SLX4IP: variants seen among roughly 807,000 people sequenced by gnomAD.
The protein encoded by SLX4IP is protein SLX4IP.
SLX4IP carries 34 observed loss-of-function variants against 32.9 expected under a neutral mutation model. The observed-to-expected ratio is 1.03, with a 90% CI of 0.79 to 1.38. The LOEUF (loss-of-function observed/expected upper bound fraction) is 1.38, where lower values mean the gene tolerates loss of function less well. Ranked by LOEUF, SLX4IP falls within the 40% of genes most tolerant of loss-of-function variation. SLX4IP has a pLI of 0.00. For synonymous variants in SLX4IP, 172 were observed against 171.7 expected (o/e 1.00, Z -0.01); for missense variants, 444 against 479.0 (o/e 0.93, Z 0.68).
At chr20:10,593,395 A>G (rs16991827) in intron 4 of SLX4IP, among the ~76,000 whole-genome samples, 10,839 of 152,144 alleles carry the variant, frequency 0.071, 615 homozygotes, top group South Asian at 0.23. Flanking sequence ...TGGCATTTTA[A>G]AAGAGCATAC....
intron 2 of SLX4IP, among the ~76,000 whole-genome samples, chr20:10,549,966 TA>T (rs1216813059): frequency 6.6e-6 from 1 of 152,230 alleles, no homozygotes; most frequent in Non-Finnish European, 1.5e-5. Flanking sequence ...AACTTTTTTG[TA>T]AAATTCACAC....
At chr20:10,501,654 G>A (rs527325986) in intron 2 of SLX4IP, among the ~76,000 whole-genome samples, 7 of 152,348 alleles carry the variant, frequency 4.6e-5, no homozygotes, top group African/African-American at 1.7e-4. Context: ...AAGACTTATT[G>A]TGTGGCCACA....
Position 10,623,696 on chromosome 20 carries a change from G to T in SLX4IP, c.*317G>T. The T allele has an allele frequency of 2.9e-6, 1 of 342,280 alleles. No homozygotes were observed. The highest frequency in any genetic ancestry group is 4.0e-5 in the South Asian group (1 of 24,802). 21.2% of individuals were successfully genotyped at this position (342,280 alleles called of 1,614,324 possible). On this transcript the variant is annotated 3_prime_UTR_variant, in exon 8 of 8. Coordinates refer to ENST00000334534, the MANE Select transcript of SLX4IP (RefSeq NM_001009608.3). ...GACTGCATGAAGAAACTGATCATGAGCCCCTTCTTGGCACATCACTGTGCA... is the reference window on the plus strand; with the variant it reads ...GACTGCATGAAGAAACTGATCATGATCCCCTTCTTGGCACATCACTGTGCA...
chr20:10,619,441 AAAAT>A (rs2067081892), intron 6 of SLX4IP, among the ~76,000 whole-genome samples: 2 of 152,050 alleles, frequency 1.3e-5, no homozygotes, highest in South Asian at 4.1e-4. Context: ...CTGAATTTTA[AAAAT>A]AAATAAATAA....
At chr20:10,542,172 G>A (rs1240290157) in intron 2 of SLX4IP, among the ~76,000 whole-genome samples, 1 of 152,214 alleles carries the variant, frequency 6.6e-6, no homozygotes, top group East Asian at 1.9e-4. Context: ...TGATAACAGT[G>A]CAATATTTAT....
At chr20:10,530,780 G>C (rs1016911676) in intron 2 of SLX4IP, among the ~76,000 whole-genome samples, 1 of 151,798 alleles carries the variant, frequency 6.6e-6, no homozygotes, top group African/African-American at 2.4e-5. Context: ...TTTAAAAAGG[G>C]ATTTTAAAGT....
intron 2 of SLX4IP, among the ~76,000 whole-genome samples, chr20:10,494,221 AAGTATTCTGTAAT>A (rs1234370450): frequency 2.0e-5 from 3 of 151,676 alleles, no homozygotes; most frequent in African/African-American, 7.3e-5. Context: ...ACCCCTTTAA[AAGTATTCTGTAAT>A]AGTTTGTAAT....
intron 4 of SLX4IP, among the ~76,000 whole-genome samples, chr20:10,588,505 A>G (rs193275441): frequency 1.6e-3 from 248 of 152,314 alleles, no homozygotes; most frequent in Admixed American, 2.8e-3. Context: ...GTCTGGGTAT[A>G]TATACAAAGG....
At chr20:10,477,827 C>G (rs566375656) in intron 2 of SLX4IP, among the ~76,000 whole-genome samples, 187 of 151,734 alleles carry the variant, frequency 1.2e-3, no homozygotes, top group Middle Eastern at 7.0e-3. Flanking sequence ...TTCTCATCCT[C>G]TTTGGGCATT....
chr20:10,596,963 A>G (rs1396886963), intron 4 of SLX4IP, among the ~76,000 whole-genome samples: 1 of 152,242 alleles, frequency 6.6e-6, no homozygotes, highest in Non-Finnish European at 1.5e-5. Context: ...AAATTATTTT[A>G]TCTCAGCAAA....
intron 2 of SLX4IP, among the ~76,000 whole-genome samples, chr20:10,497,559 C>T (rs941534257): frequency 1.3e-5 from 2 of 152,082 alleles, no homozygotes; most frequent in East Asian, 3.9e-4. Context: ...TTTATTTCTG[C>T]CCTATTACTT....
At position 10,493,859 on chromosome 20, in the gene SLX4IP, C is replaced by CTTTT. The variant is rs58299545; in HGVS notation, c.27+35647_27+35650dup. Among the ~76,000 whole-genome samples the CTTTT allele has an allele frequency of 8.4e-3, 591 of 70,478 alleles. 12 individuals carry two copies. Among genetic ancestry groups the CTTTT allele is most frequent in the Non-Finnish European group, 0.012 (446 of 38,590 alleles). 46.2% of individuals were successfully genotyped at this position (70,478 alleles called of 152,430 possible). ...ACTGAAGTGTTTTTTTTATAGTTGC[C>CTTTT]TTTTTTTTTTTTTTTTTTTTTTGAG... On this transcript the variant is annotated intron_variant, in intron 2 of 7. Coordinates refer to ENST00000334534, the MANE Select transcript of SLX4IP (RefSeq NM_001009608.3).
At chr20:10,442,327 C>G (rs1215813466) in intron 1 of SLX4IP, among the ~76,000 whole-genome samples, 1 of 152,182 alleles carries the variant, frequency 6.6e-6, no homozygotes, top group Non-Finnish European at 1.5e-5. Flanking sequence ...ATTGTTTAAT[C>G]TACTTCCATT....
At chr20:10,449,897 G>C (rs1470623939) in intron 1 of SLX4IP, among the ~76,000 whole-genome samples, 1 of 151,514 alleles carries the variant, frequency 6.6e-6, no homozygotes, top group Admixed American at 6.6e-5. Flanking sequence ...GATACTCTTT[G>C]AAAAATTCAG....
intron 5 of SLX4IP, among the ~76,000 whole-genome samples, chr20:10,601,147 T>C (rs998542388): frequency 3.3e-5 from 5 of 152,186 alleles, no homozygotes; most frequent in African/African-American, 1.2e-4. Flanking sequence ...TATGGTGTAA[T>C]TTTACCATCT....
intron 2 of SLX4IP, among the ~76,000 whole-genome samples, chr20:10,508,733 G>C (rs961150793): frequency 6.6e-6 from 1 of 152,140 alleles, no homozygotes; most frequent in Non-Finnish European, 1.5e-5. Context: ...CCTTCTTGCT[G>C]TTGTCAGTGA....
chr20:10,473,951 T>G (rs1481632141), intron 2 of SLX4IP, among the ~76,000 whole-genome samples: 1 of 152,060 alleles, frequency 6.6e-6, no homozygotes, highest in African/African-American at 2.4e-5. Context: ...GCCTTCCAAG[T>G]AGCTGGGATT....
At chr20:10,553,336 T>C (rs1239376787) in intron 2 of SLX4IP, among the ~76,000 whole-genome samples, 1 of 152,240 alleles carries the variant, frequency 6.6e-6, no homozygotes. Flanking sequence ...AACAAGGACA[T>C]ACATTCCTAT....
chr20:10,441,156 C>T (rs1240795686), intron 1 of SLX4IP, among the ~76,000 whole-genome samples: 1 of 152,072 alleles, frequency 6.6e-6, no homozygotes, highest in African/African-American at 2.4e-5. Context: ...AGATTCAGGC[C>T]GGACATGGTG....
Sources: gnomAD v4.1 joint callset for allele counts (sites outside exome capture counted in the v4.1 genomes callset) on GRCh38, gnomAD v4.1.1 for gene constraint, MANE v1.5 for transcripts, NCBI Gene and HGNC (gene_info 2026-07-23, HGNC 2026-07-21) for gene names.